The following LRRIQ1 variants were observed in gnomAD, a reference collection of about 807,000 sequenced individuals.
The protein encoded by LRRIQ1 is leucine-rich repeat- and IQ domain-containing protein 1.
A neutral mutation model predicts 211.9 loss-of-function variants in LRRIQ1; 210 were observed. The observed-to-expected ratio is 0.99, with a 90% confidence interval of 0.89 to 1.11. The LOEUF (loss-of-function observed/expected upper bound fraction) is 1.11. Among genes scored for constraint, LRRIQ1 ranks in the 50% most tolerant of loss-of-function variants. The pLI is 0.00. For synonymous variants in LRRIQ1, 699 were observed against 650.1 expected (o/e 1.08, Z -1.14); for missense variants, 2,136 against 1,939.5 (o/e 1.10, Z -1.90).
intron 11 of LRRIQ1, among the ~76,000 whole-genome samples, chr12:85,095,996 T>C (rs990727217): frequency 6.6e-6 from 1 of 152,146 alleles, no homozygotes; most frequent in Non-Finnish European, 1.5e-5. Flanking sequence ...TTCTGTGGGA[T>C]TGGTTGTAGT....
At chr12:85,265,031 C>A (rs1593038976), downstream of LRRIQ1, among the ~76,000 whole-genome samples, 1 of 152,010 alleles carries the variant, frequency 6.6e-6, no homozygotes, top group African/African-American at 2.4e-5. Flanking sequence ...TGATGAGAAT[C>A]AACTACGTTG....
intron 24 of LRRIQ1, 68 bp from the exon 25 acceptor site, chr12:85,229,449 G>T: frequency 1.5e-6 from 2 of 1,320,354 alleles, no homozygotes; most frequent in Non-Finnish European, 2.1e-6. Context: ...GTTTAGCACA[G>T]ATGGAACTGG....
At chr12:85,123,982 C>A in intron 16 of LRRIQ1, 88 bp from the exon 17 acceptor site, 1 of 818,562 alleles carries the variant, frequency 1.2e-6, no homozygotes, top group Non-Finnish European at 1.9e-6. Flanking sequence ...TCATTTGAGG[C>A]CATACAGTGA....
intron 24 of LRRIQ1, among the ~76,000 whole-genome samples, chr12:85,182,924 C>T (rs571999676): frequency 6.6e-6 from 1 of 152,142 alleles, no homozygotes; most frequent in African/African-American, 2.4e-5. Flanking sequence ...TGGGTCAGAG[C>T]TGCTCTGCTG....
intron 11 of LRRIQ1, among the ~76,000 whole-genome samples, chr12:85,094,611 A>G (rs1885699390): frequency 6.6e-6 from 1 of 151,932 alleles, no homozygotes; most frequent in Non-Finnish European, 1.5e-5. Flanking sequence ...TTTATGTTCC[A>G]TATTAATTTT....
chr12:85,153,369 GTAAT>G (rs1328164358), intron 21 of LRRIQ1, among the ~76,000 whole-genome samples: 1 of 151,452 alleles, frequency 6.6e-6, no homozygotes, highest in Non-Finnish European at 1.5e-5. Flanking sequence ...GGGAAACAAT[GTAAT>G]TAATTATTGT....
chr12:85,245,133 T>G, downstream of LRRIQ1: 1 of 999,210 alleles, frequency 1.0e-6, no homozygotes, highest in Non-Finnish European at 1.4e-6. Flanking sequence ...TTAATTGTAT[T>G]TGGGGCTTCA....
chr12:85,213,376 C>G (rs1893931275), intron 24 of LRRIQ1, among the ~76,000 whole-genome samples: 1 of 151,794 alleles, frequency 6.6e-6, no homozygotes, highest in Non-Finnish European at 1.5e-5. Context: ...TAGCAAATTC[C>G]ACAACTATAT....
At chr12:85,065,098 G>A (rs1314505667) in intron 8 of LRRIQ1, among the ~76,000 whole-genome samples, 164 bp from the exon 9 acceptor site, 2 of 151,996 alleles carry the variant, frequency 1.3e-5, no homozygotes, top group Admixed American at 6.6e-5. Context: ...GGGAACAAAA[G>A]AGGCCAGATA....
chr12:85,191,156 T>C (rs971915604), intron 24 of LRRIQ1, among the ~76,000 whole-genome samples: 2 of 151,984 alleles, frequency 1.3e-5, no homozygotes, highest in Non-Finnish European at 2.9e-5. Flanking sequence ...GTAAAACCTA[T>C]ACTGGCACAT....
intron 26 of LRRIQ1, among the ~76,000 whole-genome samples, chr12:85,242,656 G>C (rs1157233290): frequency 1.3e-5 from 2 of 151,906 alleles, no homozygotes; most frequent in Middle Eastern, 3.4e-3. Flanking sequence ...ATGTTTAGTT[G>C]GGAAGCCAAT....
chr12:85,067,022 A>G, intron 10 of LRRIQ1, 124 bp downstream of exon 10: 1 of 491,498 alleles, frequency 2.0e-6, no homozygotes, highest in Non-Finnish European at 3.3e-6. Context: ...TTATACTTTT[A>G]AAATTTAGAT....
intron 24 of LRRIQ1, among the ~76,000 whole-genome samples, chr12:85,183,701 G>A (rs972632570): frequency 3.3e-5 from 5 of 152,006 alleles, no homozygotes; most frequent in Admixed American, 6.6e-5. Flanking sequence ...AAGAAACATA[G>A]CATAAAGAAA....
rs562945399 is a variant in LRRIQ1, at chr12:85,166,001, T to G, written c.4822+5287T>G. ...CGAATGGTAGTTCTATTTTCAGTTC[T>G]TTGAGAAATCTCCCACATTTTGAAT... On this transcript the variant is annotated intron_variant, in intron 24 of 26. Coordinates refer to ENST00000393217, the MANE Select transcript of LRRIQ1 (RefSeq NM_001079910.2). Among the ~76,000 whole-genome samples, 7 of 152,266 alleles carry G rather than the reference T, an allele frequency of 4.6e-5. No individual in the cohort carries two copies. In the South Asian group the frequency reaches 1.5e-3, roughly 32 times the overall value.
chr12:85,036,654 C>T (rs948485105), intron 1 of LRRIQ1, among the ~76,000 whole-genome samples: 2 of 152,006 alleles, frequency 1.3e-5, no homozygotes, highest in Non-Finnish European at 2.9e-5. Context: ...ACTCACTCAC[C>T]GCTCCCCACA....
In LRRIQ1 at chr12:85,137,785, C is replaced by G. The variant is rs975555736; in HGVS notation, c.4210-65C>G. 8.2e-6 allele frequency: 11 copies of G among 1,348,348 alleles called. No individual in the cohort carries two copies. In the African/African-American group the frequency reaches 1.5e-4, roughly 18 times the overall value. The allele number at this position is 1,348,348 out of a possible 1,614,324, so 83.5% of individuals were successfully genotyped here. A position where few individuals can be genotyped will look rare whatever the true frequency, so the allele number is the denominator to read the frequency against. ...ATGTTTTATCTTCCTAATGGGATAA[C>G]ACAGATAATCTGGTTTAGGGTTTGA... is the stretch of plus-strand genomic sequence containing the variant. On this transcript the variant is annotated intron_variant, in intron 18 of 26. Transcript: ENST00000393217.
In LRRIQ1 at chr12:85,056,430, A is replaced by G; in HGVS notation, c.1637A>G (p.Asn546Ser). The part of the protein sequence containing the change: ...KEEKIMKHVI[N>S]ENTGQKTQII... ...GAAAAAATCATGAAACATGTCATAA[A>G]TGAGAATACAGGACAAAAAACCCAG... Residue 546 changes from asparagine to serine, a missense_variant, in exon 8 of 27, where the codon AAT becomes AGT. By Grantham distance (46) the Asn-to-Ser change is conservative (BLOSUM62 1). Transcript: ENST00000393217. The G allele has an allele frequency of 6.3e-7, 1 of 1,594,980 alleles. No homozygotes were observed.
chr12:85,080,154 T>C (rs1884124242), intron 11 of LRRIQ1, among the ~76,000 whole-genome samples: 1 of 152,064 alleles, frequency 6.6e-6, no homozygotes, highest in African/African-American at 2.4e-5. Flanking sequence ...AATTTTTGCA[T>C]TGTAAATATA....
At chr12:85,223,391 T>A (rs1894493655) in intron 24 of LRRIQ1, among the ~76,000 whole-genome samples, 1 of 152,112 alleles carries the variant, frequency 6.6e-6, no homozygotes, top group South Asian at 2.1e-4. Context: ...AAAAAAGAGT[T>A]GTAAGACAAA....
Sources: gnomAD v4.1 joint callset for allele counts (sites outside exome capture counted in the v4.1 genomes callset) on GRCh38, gnomAD v4.1.1 for gene constraint, MANE v1.5 for transcripts, NCBI Gene and HGNC (gene_info 2026-07-23, HGNC 2026-07-21) for gene names.